The following EIF3H variants were observed in gnomAD, a reference collection of about 807,000 sequenced individuals.
EIF3H encodes eukaryotic translation initiation factor 3 subunit H.
Under a neutral mutation model 44.2 loss-of-function variants are expected in EIF3H, and 26 were observed. That is an observed-to-expected ratio of 0.59 (90% confidence interval 0.43 to 0.82). The LOEUF is 0.82. Ranked by LOEUF, EIF3H falls within the 40% of genes least tolerant of loss-of-function variation. The probability of loss-of-function intolerance (pLI) is 0.00; values close to 1 mark genes in which losing one functional copy is unlikely to be tolerated. For synonymous variants in EIF3H, 166 were observed against 151.9 expected (o/e 1.09, Z -0.68); for missense variants, 359 against 432.8 (o/e 0.83, Z 1.51).
intron 2 of EIF3H, among the ~76,000 whole-genome samples, chr8:116,711,056 C>CTA (rs200656237): frequency 0.01 from 1,557 of 152,226 alleles, 26 homozygotes; most frequent in African/African-American, 0.035. Flanking sequence ...TAACTAAGAA[C>CTA]TATAATGGTA....
chr8:116,684,167 G>A (rs1434599704), intron 2 of EIF3H, among the ~76,000 whole-genome samples: 6 of 152,176 alleles, frequency 3.9e-5, no homozygotes, highest in African/African-American at 1.2e-4. Context: ...AATAAAAGGA[G>A]CCTGTCTTTG....
chr8:116,761,550 G>A (rs1048756953), intron 1 of EIF3H, among the ~76,000 whole-genome samples: 2 of 151,598 alleles, frequency 1.3e-5, no homozygotes, highest in Non-Finnish European at 2.9e-5. Flanking sequence ...ACATCTGTTA[G>A]AGAAATAATA....
chr8:116,671,956 G>C (rs756317684), intron 2 of EIF3H, among the ~76,000 whole-genome samples: 2 of 152,086 alleles, frequency 1.3e-5, no homozygotes, highest in Non-Finnish European at 2.9e-5. Context: ...AATCAAAGCA[G>C]AGAAAAACCT....
chr8:116,649,024 G>A, intron 5 of EIF3H, 98 bp from the exon 6 acceptor site: 1 of 1,109,640 alleles, frequency 9.0e-7, no homozygotes, highest in Non-Finnish European at 1.2e-6. Context: ...ACTGGCTTTT[G>A]CTAAAAGAAT....
chr8:116,709,454 TAAGG>T (rs1191515177), intron 2 of EIF3H, among the ~76,000 whole-genome samples: 1 of 152,216 alleles, frequency 6.6e-6, no homozygotes, highest in Non-Finnish European at 1.5e-5. Flanking sequence ...CACAATTTTG[TAAGG>T]GATCACATGT....
chr8:116,755,606 T>TGGGACGGGGCTG, intron 1 of EIF3H, 60 bp downstream of exon 1: 10 of 1,605,684 alleles, frequency 6.2e-6, no homozygotes, highest in Non-Finnish European at 8.5e-6. Flanking sequence ...GTACGTCTGG[T>TGGGACGGGGCTG]GGGACGGGGC....
chr8:116,694,118 T>C (rs1049403076), intron 2 of EIF3H, among the ~76,000 whole-genome samples: 1 of 152,036 alleles, frequency 6.6e-6, no homozygotes, highest in Non-Finnish European at 1.5e-5. Flanking sequence ...TCAGAGAAAC[T>C]GCAAGGTCAA....
chr8:116,668,752 G>A (rs1813707402), intron 2 of EIF3H, among the ~76,000 whole-genome samples: 1 of 151,952 alleles, frequency 6.6e-6, no homozygotes, highest in Non-Finnish European at 1.5e-5. Flanking sequence ...CGGGGGGTGG[G>A]CACAATACTA....
intron 2 of EIF3H, among the ~76,000 whole-genome samples, chr8:116,724,670 A>G (rs1316583887): frequency 2.6e-5 from 4 of 152,242 alleles, no homozygotes; most frequent in African/African-American, 7.2e-5. Context: ...ACAAATCACC[A>G]ACAAGCATAT....
At chr8:116,760,140 A>G (rs905029601), upstream of EIF3H, among the ~76,000 whole-genome samples, 1 of 152,244 alleles carries the variant, frequency 6.6e-6, no homozygotes, top group Admixed American at 6.5e-5. Context: ...CAGTTTCATT[A>G]CTTCATGACT....
chr8:116,706,591 G>A (rs1437060898), intron 2 of EIF3H, among the ~76,000 whole-genome samples: 1 of 152,134 alleles, frequency 6.6e-6, no homozygotes, highest in Non-Finnish European at 1.5e-5. Flanking sequence ...CTGGAGTGCA[G>A]TGGCACCATC....
At chr8:116,735,730 T>A (rs1455637237) in intron 1 of EIF3H, among the ~76,000 whole-genome samples, 1 of 151,936 alleles carries the variant, frequency 6.6e-6, no homozygotes, top group Non-Finnish European at 1.5e-5. Flanking sequence ...GGGAATCTGC[T>A]GTTGATGTAT....
At chr8:116,766,304 C>A (rs1815572936), upstream of EIF3H, 1 of 333,756 alleles carries the variant, frequency 3.0e-6, no homozygotes, top group Non-Finnish European at 5.5e-6. Context: ...TTTCTTTTAC[C>A]GTGGCCCCAG....
At chr8:116,732,533 T>C (rs1814967301) in intron 1 of EIF3H, among the ~76,000 whole-genome samples, 1 of 152,190 alleles carries the variant, frequency 6.6e-6, no homozygotes, top group South Asian at 2.1e-4. Context: ...TAAAGCTTTC[T>C]GATGAACTAG....
chr8:116,658,138 T>C (rs1282538653), intron 3 of EIF3H: 1 of 152,240 alleles, frequency 6.6e-6, no homozygotes, highest in Non-Finnish European at 1.5e-5. Flanking sequence ...ATTGTTAACA[T>C]ACTGAAACAA....
chr8:116,740,010 C>A (rs963099784), intron 1 of EIF3H, among the ~76,000 whole-genome samples: 1 of 150,104 alleles, frequency 6.7e-6, no homozygotes, highest in African/African-American at 2.5e-5. Context: ...ACACACAAAG[C>A]CCAGGGATAT....
chr8:116,675,003 T>C (rs1400051831), intron 2 of EIF3H, among the ~76,000 whole-genome samples: 5 of 152,348 alleles, frequency 3.3e-5, no homozygotes, highest in African/African-American at 1.2e-4. Flanking sequence ...GGAACTCTTG[T>C]CCATCTTTAA....
Position 116,644,938 on chromosome 8 carries a change from C to A in EIF3H, c.*68G>T. The A allele has an allele frequency of 1.6e-6, 2 of 1,239,442 alleles. No homozygotes were observed. The highest frequency in any genetic ancestry group is 2.3e-6 in the Non-Finnish European group (2 of 858,112). The allele number at this position is 1,239,442 out of a possible 1,614,324, so 76.8% of individuals were successfully genotyped here. On this transcript the variant is annotated 3_prime_UTR_variant, in exon 8 of 8. Transcript: ENST00000521861. ...TGCTTTTCAATATGCAAATATATTT[C>A]TTCCAAGAGTTGCCCTGGTGTGACT... is the stretch of plus-strand genomic sequence containing the variant.
At chr8:116,654,662 T>C (rs1318531680) in intron 5 of EIF3H, among the ~76,000 whole-genome samples, 4 of 152,220 alleles carry the variant, frequency 2.6e-5, no homozygotes, top group East Asian at 1.9e-4. Flanking sequence ...TCAAACAGTA[T>C]GCTTTTTGGT....
Sources: allele counts gnomAD v4.1 joint callset (sites outside exome capture counted in the v4.1 genomes callset), GRCh38; gene constraint gnomAD v4.1.1; transcripts MANE v1.5; gene names NCBI Gene and HGNC (gene_info 2026-07-23, HGNC 2026-07-21).